Variants in CDK13 observed in about 807,000 individuals in gnomAD.
The protein encoded by CDK13 is cyclin dependent kinase 13.
A neutral mutation model predicts 137.6 loss-of-function variants in CDK13; 40 were observed. The observed-to-expected ratio is 0.29, with a 90% confidence interval of 0.23 to 0.38. The LOEUF is 0.38. Among genes scored for constraint, CDK13 ranks in the 10% least tolerant of loss-of-function variants. The pLI is 1.00. For synonymous variants in CDK13, 869 were observed against 760.1 expected (o/e 1.14, Z -2.36); for missense variants, 1,704 against 1,951.8 (o/e 0.87, Z 2.39).
chr7:40,041,734 G>A (rs1420580613), intron 5 of CDK13, among the ~76,000 whole-genome samples: 2 of 151,890 alleles, frequency 1.3e-5, no homozygotes, highest in Non-Finnish European at 2.9e-5. Flanking sequence ...CTTTTACTCA[G>A]CATGCTCAGT....
chr7:39,956,821 A>G (rs1787421517), intron 1 of CDK13, among the ~76,000 whole-genome samples: 1 of 152,300 alleles, frequency 6.6e-6, no homozygotes, highest in East Asian at 1.9e-4. Context: ...TCCTGGCCTC[A>G]GACAATCCTC....
At chr7:40,062,777 C>T in intron 7 of CDK13, 49 bp from the exon 8 acceptor site, 1 of 1,278,366 alleles carries the variant, frequency 7.8e-7, no homozygotes, top group Non-Finnish European at 1.1e-6. Flanking sequence ...GAGAATCTGT[C>T]TTACTCCAAC....
At chr7:40,005,077 A>G (rs1436052842) in intron 5 of CDK13, among the ~76,000 whole-genome samples, 4 of 151,842 alleles carry the variant, frequency 2.6e-5, no homozygotes, top group African/African-American at 9.7e-5. Context: ...AGGAGGCTGA[A>G]GCAGGAGAAT....
chr7:40,010,211 G>T (rs556989534), intron 5 of CDK13, among the ~76,000 whole-genome samples: 1 of 152,068 alleles, frequency 6.6e-6, no homozygotes, highest in South Asian at 2.1e-4. Flanking sequence ...CCATCTCAGG[G>T]CAATGGGAGA....
Position 39,999,506 on chromosome 7 carries a change from A to G in CDK13, c.2182+6A>G. On this transcript the variant is annotated splice_donor_region_variant and intron_variant, in intron 4 of 13. Coordinates refer to ENST00000181839, the MANE Select transcript of CDK13 (RefSeq NM_003718.5). ...AGCCAGGGATAAAGACACTGGTAAG[A>G]ATGCCAAGTTCTGGGGATCTTTGGG... The G allele has an allele frequency of 6.3e-7, 1 of 1,595,164 alleles. No individual in the cohort carries two copies. Among genetic ancestry groups the G allele is most frequent in the East Asian group, 2.3e-5 (1 of 43,830 alleles).
rs1174858221 is a variant in CDK13, at chr7:39,976,288, G to GTCTCTCTCTCTCTC, written c.1212-11288_1212-11275dup. On this transcript the variant is annotated intron_variant, in intron 1 of 13. Transcript: ENST00000181839. ...AGCCTGGGCAACAGAGCGAGATTCC[G>GTCTCTCTCTCTCTC]TCTCTCTCTCTCTCTCTCTCTCTCT... 4.9e-3 allele frequency among the ~76,000 whole-genome samples: 146 copies of GTCTCTCTCTCTCTC among 29,880 alleles called. 13 individuals carry two copies. The highest frequency in any genetic ancestry group is 7.8e-3 in the Non-Finnish European group (88 of 11,292). The allele number at this position is 29,880 out of a possible 152,430, so 19.6% of individuals were successfully genotyped here.
intron 7 of CDK13, chr7:40,061,952 C>T (rs753439487): frequency 2.0e-5 from 3 of 152,106 alleles, no homozygotes; most frequent in Non-Finnish European, 2.9e-5. Context: ...TGATAAAGTA[C>T]GATATGTATT....
intron 5 of CDK13, among the ~76,000 whole-genome samples, chr7:40,007,505 C>T (rs1432831124): frequency 2.0e-5 from 3 of 152,222 alleles, no homozygotes; most frequent in African/African-American, 2.4e-5. Context: ...TGGCTCACTG[C>T]GACCTCTGCC....
chr7:39,972,640 A>G (rs1784024546), intron 1 of CDK13, among the ~76,000 whole-genome samples: 1 of 152,190 alleles, frequency 6.6e-6, no homozygotes, highest in African/African-American at 2.4e-5. Flanking sequence ...TCTGTGTTGT[A>G]GTATATGGAT....
intron 11 of CDK13, among the ~76,000 whole-genome samples, chr7:40,080,488 G>T (rs1786642436): frequency 6.6e-6 from 1 of 152,134 alleles, no homozygotes; most frequent in Admixed American, 6.5e-5. Flanking sequence ...TTCAGCTTCA[G>T]TAAGCTTTTA....
chr7:40,000,810 T>G (rs558475433), intron 4 of CDK13, among the ~76,000 whole-genome samples: 1 of 152,340 alleles, frequency 6.6e-6, no homozygotes, highest in African/African-American at 2.4e-5. Context: ...TTTAGAAAAT[T>G]TGTAAGAACA....
chr7:40,084,776 A>G (rs1427019792), intron 11 of CDK13, among the ~76,000 whole-genome samples: 2 of 152,228 alleles, frequency 1.3e-5, no homozygotes, highest in African/African-American at 2.4e-5. Context: ...AAGAGCTTGC[A>G]CATGTTAACA....
chr7:39,994,905 A>T (rs1232010209), intron 2 of CDK13, among the ~76,000 whole-genome samples: 1 of 151,562 alleles, frequency 6.6e-6, no homozygotes, highest in African/African-American at 2.4e-5. Context: ...GTCAAGTTGT[A>T]TTTAAAAAAA....
At chr7:40,024,552 G>A (rs571377304) in intron 5 of CDK13, among the ~76,000 whole-genome samples, 1 of 150,736 alleles carries the variant, frequency 6.6e-6, no homozygotes, top group East Asian at 2.0e-4. Context: ...TTCTATTCAG[G>A]TTGGCTTTCT....
At chr7:40,022,566 T>G (rs189413449) in intron 5 of CDK13, among the ~76,000 whole-genome samples, 1 of 152,218 alleles carries the variant, frequency 6.6e-6, no homozygotes, top group Admixed American at 6.5e-5. Context: ...TCTAGGTGTT[T>G]GGAATAGACA....
At chr7:40,080,822 A>T (rs970911858) in intron 11 of CDK13, among the ~76,000 whole-genome samples, 7 of 152,172 alleles carry the variant, frequency 4.6e-5, no homozygotes, top group African/African-American at 1.4e-4. Flanking sequence ...TTTTTCCTGA[A>T]CTAGTTGGAT....
chr7:39,983,989 T>G (rs537140944), intron 1 of CDK13: 2 of 152,300 alleles, frequency 1.3e-5, no homozygotes, highest in African/African-American at 4.8e-5. Context: ...AAGCACATAC[T>G]TGTTTTTGAA....
intron 1 of CDK13, among the ~76,000 whole-genome samples, chr7:39,979,216 C>CTA (rs1784172582): frequency 7.6e-6 from 1 of 130,888 alleles, no homozygotes; most frequent in African/African-American, 2.9e-5. Flanking sequence ...TCTTTTTTTT[C>CTA]TTTTTTTTTT....
At chr7:39,989,528 T>C (rs1270444609) in intron 2 of CDK13, among the ~76,000 whole-genome samples, 1 of 152,206 alleles carries the variant, frequency 6.6e-6, no homozygotes, top group East Asian at 1.9e-4. Flanking sequence ...TTGAGTTTCA[T>C]GCCCTTTGAG....
Sources: allele counts gnomAD v4.1 joint callset (sites outside exome capture counted in the v4.1 genomes callset), GRCh38; gene constraint gnomAD v4.1.1; transcripts MANE v1.5; gene names NCBI Gene and HGNC (gene_info 2026-07-23, HGNC 2026-07-21).